The following NLRP2 variants were observed in gnomAD, a reference collection of about 807,000 sequenced individuals.
The protein encoded by NLRP2 is NLR family pyrin domain containing 2.
In NLRP2, 107 loss-of-function variants were observed where a neutral mutation model predicts 97.2. The ratio of observed to expected loss-of-function variants is 1.10; its 90% confidence interval spans 0.94 to 1.29. NLRP2 has a LOEUF of 1.29. Ranked by LOEUF, NLRP2 falls within the 50% of genes most tolerant of loss-of-function variation. The probability of loss-of-function intolerance (pLI) is 0.00; values close to 1 mark genes in which losing one functional copy is unlikely to be tolerated. For missense variants in NLRP2, 1,495 were observed against 1,330.3 expected, an observed-to-expected ratio of 1.12 and a Z score of -1.93; for synonymous variants, 663 against 551.5, an observed-to-expected ratio of 1.20 and a Z score of -2.83.
Position 54,990,673 on chromosome 19 carries a change from G to A in NLRP2, c.2708+1G>A, listed in dbSNP as rs1161141160. 1 of 1,614,154 alleles carries A rather than the reference G, an allele frequency of 6.2e-7. No individual in the cohort carries two copies. On this transcript the variant is annotated splice_donor_variant, in intron 10 of 12. Transcript: ENST00000448584. LOFTEE classifies it high-confidence loss of function. ...CCGAGTGTAAACTGCAGACCTTGGT[G>A]TAAGTCCGTGCTGGCTGCCTGTGTG...
At chr19:54,984,317 G>GTTTTT (rs1304427798) in intron 6 of NLRP2, among the ~76,000 whole-genome samples, 1 of 78,734 alleles carries the variant, frequency 1.3e-5, no homozygotes, top group African/African-American at 5.4e-5. Flanking sequence ...TTAAGTGGGG[G>GTTTTT]TTTTTTTTTG....
chr19:54,990,001 G>C (rs758866235), intron 8 of NLRP2, 21 bp from the exon 9 acceptor site: 4 of 1,604,230 alleles, frequency 2.5e-6, no homozygotes, highest in Admixed American at 3.3e-5. Context: ...AAAAAATGAC[G>C]TGGTCCTATT....
chr19:54,967,636 A>G (rs1164442495), intron 1 of NLRP2, among the ~76,000 whole-genome samples: 2 of 151,410 alleles, frequency 1.3e-5, no homozygotes, highest in African/African-American at 4.9e-5. Context: ...AGAGCTATAG[A>G]GAGCTCCAAA....
At position 54,985,788 on chromosome 19, in the gene NLRP2, G is replaced by T. The variant is rs569791631; in HGVS notation, c.2202-363G>T. 3.8e-3 allele frequency among the ~76,000 whole-genome samples: 580 copies of T among 152,232 alleles called. 3 individuals carry two copies. The highest frequency in any genetic ancestry group is 0.013 in the African/African-American group (555 of 41,540). ...AGGTGGGGGGATCACTTGAGGTCAG[G>T]AGTTCAAGACCAGCCTGGCCAAGAT... On this transcript the variant is annotated intron_variant, in intron 7 of 12. Coordinates refer to ENST00000448584, the MANE Select transcript of NLRP2 (RefSeq NM_017852.5).
At chr19:54,978,492 C>G (rs1003669829) in intron 4 of NLRP2, among the ~76,000 whole-genome samples, 6 of 152,042 alleles carry the variant, frequency 3.9e-5, no homozygotes, top group South Asian at 2.1e-4. Flanking sequence ...CTCCACCCAC[C>G]CCCAAGTCTC....
At chr19:54,984,370 C>G (rs2071899150) in intron 6 of NLRP2, among the ~76,000 whole-genome samples, 1 of 108,034 alleles carries the variant, frequency 9.3e-6, no homozygotes, top group Non-Finnish European at 1.9e-5. Context: ...CAAAATCTCA[C>G]TATGTTGTCC....
intron 10 of NLRP2, chr19:54,991,263 C>T (rs1462821856): frequency 6.3e-6 from 1 of 159,476 alleles, no homozygotes; most frequent in Non-Finnish European, 1.4e-5. Flanking sequence ...AATCACAGGA[C>T]ACGTGGCCTG....
chr19:54,986,365 A>C (rs745367604), intron 8 of NLRP2, 50 bp downstream of exon 8: 15 of 1,525,336 alleles, frequency 9.8e-6, no homozygotes, highest in African/African-American at 1.4e-5. Context: ...ATAAGCTACC[A>C]CAAGCTTATG....
At chr19:54,975,101 GTTTTGTTTT>G (rs2071116824) in intron 3 of NLRP2, among the ~76,000 whole-genome samples, 2 of 83,086 alleles carry the variant, frequency 2.4e-5, no homozygotes, top group Non-Finnish European at 5.0e-5. Flanking sequence ...ACCACACCCG[GTTTTGTTTT>G]TTTTTTTTTT....
At position 54,970,421 on chromosome 19, in the gene NLRP2, C is replaced by T. The variant is rs1309864921; in HGVS notation, c.280+126C>T. 22 of 1,071,144 alleles carry T rather than the reference C, an allele frequency of 2.1e-5. No homozygotes were observed. In the Admixed American group the frequency reaches 2.9e-4, roughly 14 times the overall value. 66.4% of individuals were successfully genotyped at this position (1,071,144 alleles called of 1,614,324 possible). On this transcript the variant is annotated intron_variant, in intron 2 of 12. Transcript: ENST00000448584. ...GTCCCAGCCCTTTGGGAGGCTGAGG[C>T]GGTTGGACCACCTGAGGGTCAGGAG...
rs1228811847 is a variant in NLRP2 at position 54,995,499 on chromosome 19, A to C, written c.2879+1060A>C. Reference sequence around the variant, plus strand: ...CTTGGGAGGCTGAGGCAGGAGAATCACTTGAACCCTGGAGGCAGAGGTTGC... The same window carrying C: ...CTTGGGAGGCTGAGGCAGGAGAATCCCTTGAACCCTGGAGGCAGAGGTTGC... On this transcript the variant is annotated intron_variant, in intron 11 of 12. Coordinates refer to ENST00000448584, the MANE Select transcript of NLRP2 (RefSeq NM_017852.5). Among the ~76,000 whole-genome samples the C allele has an allele frequency of 4.0e-5, 6 of 151,450 alleles. No homozygotes were observed. In the East Asian group the frequency reaches 9.9e-4, roughly 25 times the overall value.
At chr19:54,980,101 C>T (rs991827411) in intron 4 of NLRP2, among the ~76,000 whole-genome samples, 5 of 151,346 alleles carry the variant, frequency 3.3e-5, no homozygotes, top group African/African-American at 4.9e-5. Context: ...CAAAGAATTT[C>T]GGTGCGACTT....
Position 54,983,597 on chromosome 19 carries a change from T to G in NLRP2, c.1899T>G (p.Asn633Lys). The change falls in exon 6 of 13, where the codon AAT (asparagine) becomes AAG (lysine). Residue 633 changes from asparagine (N) to lysine (K), a missense_variant. Physicochemically the swap from Asn to Lys is moderately conservative, Grantham distance 94. Transcript: ENST00000448584. ...AQFKEISLHLNAVDVVPSSFC... is the reference protein window; with the variant it reads ...AQFKEISLHLKAVDVVPSSFC... ...TCAAAGAAATATCCCTGCACTTAAA[T>G]GCAGTAGACGTTGTGCCATCTTCAT... 1 of 1,614,180 alleles carries G rather than the reference T, an allele frequency of 6.2e-7. No homozygotes were observed. Among genetic ancestry groups the G allele is most frequent in the Non-Finnish European group, 8.5e-7 (1 of 1,180,038 alleles).
At chr19:54,993,464 T>C (rs1327704024) in intron 10 of NLRP2, 3 of 152,478 alleles carry the variant, frequency 2.0e-5, no homozygotes, top group African/African-American at 7.2e-5. Context: ...AGGTGAAATA[T>C]CTCTGATAAT....
At chr19:54,988,404 T>C (rs2072238728) in intron 8 of NLRP2, among the ~76,000 whole-genome samples, 1 of 152,080 alleles carries the variant, frequency 6.6e-6, no homozygotes, top group Non-Finnish European at 1.5e-5. Flanking sequence ...GTGATTCTTC[T>C]CCGTCAACCT....
intron 11 of NLRP2, among the ~76,000 whole-genome samples, chr19:54,994,735 C>T (rs542769429): frequency 6.6e-6 from 1 of 151,674 alleles, no homozygotes; most frequent in Non-Finnish European, 1.5e-5. Flanking sequence ...TTCAGCTTCC[C>T]GAGTAGCTGG....
chr19:54,983,889 C>T (rs561436602), intron 6 of NLRP2, among the ~76,000 whole-genome samples, 161 bp downstream of exon 6: 12 of 152,318 alleles, frequency 7.9e-5, no homozygotes, highest in East Asian at 1.9e-4. Context: ...CTTGCTCTGT[C>T]GCTCAGGCTG....
At chr19:54,992,498 T>G (rs1568529702) in intron 10 of NLRP2, among the ~76,000 whole-genome samples, 4 of 141,114 alleles carry the variant, frequency 2.8e-5, no homozygotes, top group South Asian at 4.8e-4. Context: ...GTTTTTTTGG[T>G]TGTGTGTGTG....
chr19:54,967,918 T>A (rs1337923877), intron 1 of NLRP2, among the ~76,000 whole-genome samples: 3 of 52,974 alleles, frequency 5.7e-5, no homozygotes, highest in African/African-American at 3.3e-4. Context: ...GCTACTGCTA[T>A]TTTTTTTTTT....
Sources: gnomAD v4.1 joint callset for allele counts (sites outside exome capture counted in the v4.1 genomes callset) on GRCh38, gnomAD v4.1.1 for gene constraint, MANE v1.5 for transcripts, NCBI Gene and HGNC (gene_info 2026-07-23, HGNC 2026-07-21) for gene names.